The following SHPRH variants were observed in gnomAD, a reference collection of about 807,000 sequenced individuals.
The protein encoded by SHPRH is E3 ubiquitin-protein ligase SHPRH.
SHPRH carries 106 observed loss-of-function variants against 202.5 expected under a neutral mutation model. The observed-to-expected ratio is 0.52, with a 90% confidence interval of 0.45 to 0.62. The LOEUF (loss-of-function observed/expected upper bound fraction) is 0.62. Among genes scored for constraint, SHPRH ranks in the 20% least tolerant of loss-of-function variants. The pLI is 0.00. For missense variants in SHPRH, 1,710 were observed against 2,020.0 expected, an observed-to-expected ratio of 0.85 and a Z score of 2.94; for synonymous variants, 729 against 686.0, an observed-to-expected ratio of 1.06 and a Z score of -0.98.
intron 2 of SHPRH, among the ~76,000 whole-genome samples, chr6:145,864,649 A>G (rs2128683951): frequency 6.6e-6 from 1 of 151,312 alleles, no homozygotes; most frequent in African/African-American, 2.4e-5. Flanking sequence ...CTTATGAACA[A>G]AATAATAGCC....
chr6:145,946,088 A>C, intron 7 of SHPRH, 145 bp downstream of exon 7: 1 of 577,462 alleles, frequency 1.7e-6, no homozygotes, highest in South Asian at 3.6e-5. Context: ...AGATATTATG[A>C]CTTGTAATTG....
intron 1 of SHPRH, among the ~76,000 whole-genome samples, chr6:145,955,859 T>C (rs2128806689): frequency 6.6e-6 from 1 of 151,944 alleles, no homozygotes. Context: ...ACAGATGATA[T>C]AATTAGCAGA....
chr6:145,937,192 C>A (rs1472163357), intron 11 of SHPRH, among the ~76,000 whole-genome samples: 1 of 151,960 alleles, frequency 6.6e-6, no homozygotes, highest in Non-Finnish European at 1.5e-5. Context: ...TCATGTTGGC[C>A]AGGCTGGTCT....
Position 145,923,523 on chromosome 6 carries a change from G to A in SHPRH, c.3545+120C>T, listed in dbSNP as rs1784607642. ...GCAAAAAAGAAGTATGAATGTGTCT[G>A]TATAGGTTTATGAATGGAGAAAAAA... On this transcript the variant is annotated intron_variant, in intron 18 of 29. Coordinates refer to ENST00000275233, the MANE Select transcript of SHPRH (RefSeq NM_001042683.3). The A allele has an allele frequency of 7.3e-6, 9 of 1,238,804 alleles. No individual in the cohort carries two copies. The South Asian group carries it at 1.2e-4, about 17-fold the overall frequency. The allele number at this position is 1,238,804 out of a possible 1,614,324, so 76.7% of individuals were successfully genotyped here.
intron 24 of SHPRH, among the ~76,000 whole-genome samples, chr6:145,912,580 C>T (rs558954732): frequency 6.6e-6 from 1 of 152,218 alleles, no homozygotes; most frequent in Admixed American, 6.6e-5. Flanking sequence ...AAGTAACCAG[C>T]ATTTGTACAG....
chr6:145,945,676 T>C, intron 7 of SHPRH, 39 bp from the exon 8 acceptor site: 2 of 1,534,358 alleles, frequency 1.3e-6, no homozygotes, highest in Non-Finnish European at 1.7e-6. Flanking sequence ...TCAAAATAAT[T>C]AAAATGAAAA....
intron 2 of SHPRH, among the ~76,000 whole-genome samples, chr6:145,865,799 GA>G (rs1779753782): frequency 1.3e-5 from 2 of 152,202 alleles, no homozygotes; most frequent in Admixed American, 1.3e-4. Flanking sequence ...AGAATAGCAG[GA>G]AACCTCTGAC....
intron 25 of SHPRH, among the ~76,000 whole-genome samples, chr6:145,900,995 G>T (rs1361849199): frequency 2.6e-5 from 4 of 152,190 alleles, no homozygotes; most frequent in African/African-American, 9.6e-5. Flanking sequence ...ACAAAAATTG[G>T]TTAAGTATGT....
intron 2 of SHPRH, among the ~76,000 whole-genome samples, chr6:145,867,639 G>GAGAC (rs1779857834): frequency 1.2e-5 from 1 of 84,152 alleles, no homozygotes; most frequent in Non-Finnish European, 2.3e-5. Context: ...TATAGAGAGA[G>GAGAC]AGAGAGAGAG....
intron 3 of SHPRH, among the ~76,000 whole-genome samples, chr6:145,950,839 C>G (rs1209307616): frequency 6.6e-6 from 1 of 151,972 alleles, no homozygotes; most frequent in Non-Finnish European, 1.5e-5. Context: ...ATTTTTGTAG[C>G]CCCTCAGAGA....
In SHPRH at chr6:145,954,974, C is replaced by T; in HGVS notation, c.349G>A (p.Gly117Arg). Residue 117 changes from glycine to arginine, a missense_variant, in exon 2 of 30, where the codon GGA (glycine) becomes AGA (arginine). Transcript: ENST00000275233. ...GGAAGAAGCTGAAGAGTTAATTCTC[C>T]TAGAAATGCTTTCCAGGAATTATCA... ...HFDNSWKAFL[G>R]ELTLQLLPAQ... 1 of 1,613,770 alleles carries T rather than the reference C, an allele frequency of 6.2e-7. No homozygotes were observed. The highest frequency in any genetic ancestry group is 8.5e-7 in the Non-Finnish European group (1 of 1,179,888).
chr6:145,925,304 C>T (rs538391738), intron 16 of SHPRH, among the ~76,000 whole-genome samples: 1 of 150,512 alleles, frequency 6.6e-6, no homozygotes, highest in East Asian at 2.0e-4. Context: ...AATTCATATG[C>T]TGAAGCCCTA....
In SHPRH at chr6:145,910,618, C is replaced by T. The variant is rs749747712; in HGVS notation, c.4345G>A (p.Gly1449Ser). The T allele has an allele frequency of 6.2e-7, 1 of 1,612,478 alleles. No individual in the cohort carries two copies. Among genetic ancestry groups the T allele is most frequent in the Admixed American group, 1.7e-5 (1 of 59,908 alleles). ...LGKQWAVLTC[G>S]HCFCNECISI... is the part of the protein sequence containing the mutation. ...ATGCATTCATTACAGAAACAGTGAC[C>T]ACAGGTCAGTACCGCCCACTAAAAA... The change falls in exon 25 of 30, where the codon GGT (glycine) becomes AGT (serine). Residue 1449 changes from glycine (G) to serine (S), a missense_variant. Around this residue, in one of 8 missense-constraint regions of SHPRH, gnomAD observed 306 missense variants for 479.5 expected, o/e 0.64. Transcript: ENST00000275233.
rs1562351921 is a variant in SHPRH at position 145,941,620 on chromosome 6, C to T, written c.2490+3G>A. ...CCTCAAAAGATTTTGCAGAAACTCT[C>T]ACTTTTACTGTGGGACACTCAACCA... On this transcript the variant is annotated splice_donor_region_variant and intron_variant, in intron 10 of 29. Transcript: ENST00000275233. The T allele has an allele frequency of 6.2e-7, 1 of 1,613,076 alleles. No homozygotes were observed. The highest frequency in any genetic ancestry group is 8.5e-7 in the Non-Finnish European group (1 of 1,179,352).
intron 28 of SHPRH, among the ~76,000 whole-genome samples, chr6:145,891,567 A>G (rs980826315): frequency 6.6e-6 from 1 of 152,164 alleles, no homozygotes; most frequent in African/African-American, 2.4e-5. Context: ...CATGTTCCTA[A>G]AACAGTGCCT....
At chr6:145,933,617 T>C (rs1340443856) in intron 13 of SHPRH, among the ~76,000 whole-genome samples, 3 of 152,228 alleles carry the variant, frequency 2.0e-5, no homozygotes, top group Non-Finnish European at 4.4e-5. Context: ...ACCATTCATA[T>C]ATAAATTGTT....
intron 15 of SHPRH, 148 bp from the exon 16 acceptor site, chr6:145,926,444 A>G: frequency 1.4e-6 from 1 of 723,534 alleles, no homozygotes; most frequent in East Asian, 2.7e-5. Context: ...GAGTACTACT[A>G]CTTTGTTTTC....
chr6:145,943,353 T>C lies in SHPRH; in HGVS notation c.2028A>G (p.Gln676=), dbSNP rs745864601. 95 of 1,613,948 alleles carry C rather than the reference T, an allele frequency of 5.9e-5. 1 individual carries two copies. The highest frequency in any genetic ancestry group is 1.7e-4 in the Middle Eastern group (1 of 6,058). ...GTTGCCACAGGTGACACTTCAGGCA[T>C]TGAACACGAGGCTTACGATCTATCT... ...LDQIDRKPRV[Q]CLKCHLWQHA... Residue 676 remains glutamine (Q), a synonymous_variant, in exon 9 of 30, where the codon CAA becomes CAG. Transcript: ENST00000275233.
chr6:145,917,197 G>A (rs2128744843), intron 23 of SHPRH: 1 of 152,224 alleles, frequency 6.6e-6, no homozygotes, highest in African/African-American at 2.4e-5. Flanking sequence ...CCTAGAAAGT[G>A]CTTAATAGAT....
Sources: allele counts gnomAD v4.1 joint callset (sites outside exome capture counted in the v4.1 genomes callset), GRCh38; gene constraint gnomAD v4.1.1; regional missense constraint gnomAD v4.1.1; transcripts MANE v1.5; gene names NCBI Gene and HGNC (gene_info 2026-07-23, HGNC 2026-07-21).